Variants in RFX2 observed in about 807,000 individuals in gnomAD.
RFX2 encodes regulatory factor X2, also known as DNA-binding protein RFX2.
A neutral mutation model predicts 87.8 loss-of-function variants in RFX2; 20 were observed. That is an observed-to-expected ratio of 0.23 (90% confidence interval 0.16 to 0.33). The LOEUF is 0.33. Ranked by LOEUF, RFX2 falls within the 10% of genes least tolerant of loss-of-function variation. The probability of loss-of-function intolerance (pLI) is 1.00; values close to 1 mark genes in which losing one functional copy is unlikely to be tolerated. For synonymous variants in RFX2, 397 were observed against 431.3 expected (o/e 0.92, Z 0.98); for missense variants, 767 against 1,012.3 (o/e 0.76, Z 3.29).
rs1321604899 is a variant in RFX2, at chr19:5,995,650, G to A, written c.2014-7C>T. 1 of 1,552,266 alleles carries A rather than the reference G, an allele frequency of 6.4e-7. No homozygotes were observed. The highest frequency in any genetic ancestry group is 8.7e-7 in the Non-Finnish European group (1 of 1,147,360). On this transcript the variant is annotated splice_polypyrimidine_tract_variant and splice_region_variant and intron_variant, in intron 16 of 17. Transcript: ENST00000303657. ...GAGAGGCGAGATCGTTGAACTGAAA[G>A]AGAAACCTGGAGTCAGGGGCGCCTG...
chr19:6,082,728 A>C (rs2087803188), intron 1 of RFX2, among the ~76,000 whole-genome samples: 2 of 151,970 alleles, frequency 1.3e-5, no homozygotes, highest in Non-Finnish European at 2.9e-5. Flanking sequence ...CCACTGGAAA[A>C]CTTTCTATAA....
In RFX2 at chr19:6,026,575, C is replaced by T; in HGVS notation, c.523-338G>A. Reference sequence around the variant, plus strand: ...TTAATATGCAGCCACTGCATCCATTCCAGTGTCAGCCAAGCCAGCATCATA... The same window carrying T: ...TTAATATGCAGCCACTGCATCCATTTCAGTGTCAGCCAAGCCAGCATCATA... On this transcript the variant is annotated intron_variant, in intron 5 of 17. Coordinates refer to ENST00000303657, the MANE Select transcript of RFX2 (RefSeq NM_000635.4). The surrounding 1 kb of genome is among the most constrained non-coding windows in gnomAD (Gnocchi z 4.5). The T allele has an allele frequency of 6.0e-6, 2 of 331,138 alleles. No individual in the cohort carries two copies. The highest frequency in any genetic ancestry group is 2.8e-5 in the South Asian group (1 of 35,812). The allele number at this position is 331,138 out of a possible 1,614,324, so 20.5% of individuals were successfully genotyped here.
rs950078254 is a variant in RFX2, at chr19:6,010,499, A to G, written c.900-248T>C. ...CTCCAGAACTTGATCATCTTCCCAC[A>G]CTGAAGCTCTGTCTCCATAAAACGC... is the stretch of plus-strand genomic sequence containing the variant. On this transcript the variant is annotated intron_variant, in intron 8 of 17. Coordinates refer to ENST00000303657, the MANE Select transcript of RFX2 (RefSeq NM_000635.4). The surrounding 1 kb of genome is among the most constrained non-coding windows in gnomAD (Gnocchi z 5.0). Among the ~76,000 whole-genome samples, 3 of 152,006 alleles carry G rather than the reference A, an allele frequency of 2.0e-5. No homozygotes were observed. Among genetic ancestry groups the G allele is most frequent in the Non-Finnish European group, 4.4e-5 (3 of 67,998 alleles).
intron 1 of RFX2, among the ~76,000 whole-genome samples, chr19:6,092,961 A>AG (rs879585411): frequency 6.6e-6 from 1 of 152,014 alleles, no homozygotes; most frequent in East Asian, 1.9e-4. Context: ...GGTAAAAAAA[A>AG]GGCCCTGTGG....
chr19:6,004,221 G>C lies in RFX2; in HGVS notation c.1480C>G (p.Gln494Glu). The C allele has an allele frequency of 6.2e-7, 1 of 1,613,282 alleles. No homozygotes were observed. Among genetic ancestry groups the C allele is most frequent in the South Asian group, 1.1e-5 (1 of 91,056 alleles). Reference sequence around the variant, plus strand: ...CGCACCTTGGTCTGGATGACCTGTTGTGGGAAGTCACTCATGGCATTTGTC... The same window carrying C: ...CGCACCTTGGTCTGGATGACCTGTTCTGGGAAGTCACTCATGGCATTTGTC... ...WLTNAMSDFP[Q>E]QVIQTKVGVV... The change falls in exon 13 of 18, where the codon CAA becomes GAA. Residue 494 changes from glutamine (Q) to glutamate (E), a missense_variant. Transcript: ENST00000303657. This position sits in a 1 kb window ranked among gnomAD's most constrained non-coding sequence, Gnocchi z 4.8.
intron 7 of RFX2, among the ~76,000 whole-genome samples, chr19:6,015,048 T>C (rs2086706791): frequency 6.6e-6 from 1 of 152,156 alleles, no homozygotes; most frequent in African/African-American, 2.4e-5. Context: ...GTTGGCATAA[T>C]TGCCTGTGAT....
chr19:6,009,996 T>G, intron 9 of RFX2, 140 bp downstream of exon 9: 1 of 518,130 alleles, frequency 1.9e-6, no homozygotes. Flanking sequence ...ATCGAAAACT[T>G]TCTATTTGTC....
At chr19:6,032,881 T>C (rs1250731088) in intron 5 of RFX2, among the ~76,000 whole-genome samples, 1 of 152,236 alleles carries the variant, frequency 6.6e-6, no homozygotes, top group Non-Finnish European at 1.5e-5. Flanking sequence ...CTTGACCTCC[T>C]GGGCTCAGGC....
At chr19:6,060,975 C>G (rs932313462) in intron 1 of RFX2, among the ~76,000 whole-genome samples, 1 of 152,116 alleles carries the variant, frequency 6.6e-6, no homozygotes, top group African/African-American at 2.4e-5. Flanking sequence ...GGTGCCTCAA[C>G]AAGTCCAAGG....
At chr19:6,108,130 T>A (rs1454719990) in intron 1 of RFX2, among the ~76,000 whole-genome samples, 1 of 152,208 alleles carries the variant, frequency 6.6e-6, no homozygotes, top group Non-Finnish European at 1.5e-5. Context: ...CGTTGAACTG[T>A]CACAGAATCA....
At position 6,022,779 on chromosome 19, in the gene RFX2, A is replaced by G. The variant is rs1178470683; in HGVS notation, c.597+3384T>C. ...ATCAGCTGGCTGGAAGGTTCTTCCA[A>G]TGTGCAGACCTCCAGGCCCTGCAGA... On this transcript the variant is annotated intron_variant, in intron 6 of 17. Transcript: ENST00000303657. The surrounding 1 kb of genome is among the most constrained non-coding windows in gnomAD (Gnocchi z 6.2). 1.3e-5 allele frequency among the ~76,000 whole-genome samples: 2 copies of G among 152,208 alleles called. No homozygotes were observed. Among genetic ancestry groups the G allele is most frequent in the Non-Finnish European group, 2.9e-5 (2 of 68,030 alleles).
chr19:6,019,207 G>A (rs1259015221), intron 6 of RFX2, among the ~76,000 whole-genome samples: 1 of 152,198 alleles, frequency 6.6e-6, no homozygotes, highest in East Asian at 1.9e-4. Flanking sequence ...ATAAGGGGCA[G>A]TTAAAACAAA....
At chr19:6,071,273 T>C (rs2087602631) in intron 1 of RFX2, among the ~76,000 whole-genome samples, 1 of 152,196 alleles carries the variant, frequency 6.6e-6, no homozygotes, top group Non-Finnish European at 1.5e-5. Flanking sequence ...CCAGGAATCT[T>C]GCTGTGAGAG....
rs2086903271 is a variant in RFX2, at chr19:6,027,321, G to A, written c.523-1084C>T. On this transcript the variant is annotated intron_variant, in intron 5 of 17. Coordinates refer to ENST00000303657, the MANE Select transcript of RFX2 (RefSeq NM_000635.4). The surrounding 1 kb of genome is among the most constrained non-coding windows in gnomAD (Gnocchi z 5.0). ...GCTACCCTTGCTTCAAGCCAAGGAG[G>A]ACGTCAGGGTCACCTTTAAGAAGTG... The A allele has an allele frequency of 1.3e-5, 2 of 152,370 alleles. No homozygotes were observed. The highest frequency in any genetic ancestry group is 1.3e-4 in the Admixed American group (2 of 15,304). 9.4% of individuals were successfully genotyped at this position (152,370 alleles called of 1,614,324 possible).
rs1217552069 is a variant in RFX2 at position 6,013,352 on chromosome 19, A to AT, written c.780-248dup. ...AGGCGTGAGCCATAATGCCTAGCTTATTTTTGTATTTTTAGTGGAGACGGG... is the reference window on the plus strand; with the variant it reads ...AGGCGTGAGCCATAATGCCTAGCTTATTTTTTGTATTTTTAGTGGAGACGGG... On this transcript the variant is annotated intron_variant, in intron 7 of 17. Transcript: ENST00000303657. The surrounding 1 kb of genome is among the most constrained non-coding windows in gnomAD (Gnocchi z 4.1). Among the ~76,000 whole-genome samples the AT allele has an allele frequency of 3.3e-5, 5 of 150,736 alleles. No homozygotes were observed. Among genetic ancestry groups the AT allele is most frequent in the Non-Finnish European group, 1.5e-5 (1 of 67,700 alleles).
In RFX2 at chr19:5,994,917, G is replaced by A. The variant is rs761381900; in HGVS notation, c.2090C>T (p.Ala697Val). Residue 697 changes from alanine to valine, a missense_variant, in exon 18 of 18, where the codon GCG (alanine) becomes GTG (valine). Ala to Val is a moderately conservative substitution (Grantham distance 64, BLOSUM62 0). Around this residue, in one of 2 missense-constraint regions of RFX2, gnomAD observed 621 missense variants for 873.0 expected, o/e 0.71. Coordinates refer to ENST00000303657, the MANE Select transcript of RFX2 (RefSeq NM_000635.4). ...ACCCAGGCTGCGGGCGTCTGGGCCC[G>A]CCTCGCTGCCACGCTGCTCATCGCC... The part of the protein sequence containing the change: ...DMGDEQRGSE[A>V]GPDARSLGEP... 1.9e-5 allele frequency: 31 copies of A among 1,608,870 alleles called. No homozygotes were observed. Among genetic ancestry groups the A allele is most frequent in the Admixed American group, 1.0e-4 (6 of 60,004 alleles).
At chr19:6,003,043 A>G (rs1183425779) in intron 13 of RFX2, among the ~76,000 whole-genome samples, 173 bp from the exon 14 acceptor site, 5 of 152,110 alleles carry the variant, frequency 3.3e-5, no homozygotes, top group African/African-American at 1.2e-4. Context: ...GTGTGTGAGA[A>G]TCAGTGAAGA....
At chr19:6,057,256 G>C (rs1473158251) in intron 1 of RFX2, 1 of 152,238 alleles carries the variant, frequency 6.6e-6, no homozygotes, top group Non-Finnish European at 1.5e-5. Context: ...GAGAGACGCA[G>C]CTAGAAGCAG....
At position 6,070,028 on chromosome 19, in the gene RFX2, TGGATA is replaced by T. The variant is rs1217876617; in HGVS notation, c.-8-22529_-8-22525del. Among the ~76,000 whole-genome samples the T allele has an allele frequency of 6.2e-5, 2 of 32,038 alleles. 1 individual carries two copies. The allele number at this position is 32,038 out of a possible 152,430, so 21.0% of individuals were successfully genotyped here. On this transcript the variant is annotated intron_variant, in intron 1 of 17. Transcript: ENST00000303657. ...GATGTGGATGGGATGGGATGGGATG[TGGATA>T]GGATGGGATGGGATGGGATGGGATG...
Sources: gnomAD v4.1 joint callset for allele counts (sites outside exome capture counted in the v4.1 genomes callset) on GRCh38, gnomAD v4.1.1 for gene constraint, gnomAD v4.1.1 regional missense constraint, Gnocchi (gnomAD v3.1) non-coding constraint, MANE v1.5 for transcripts, NCBI Gene and HGNC (gene_info 2026-07-23, HGNC 2026-07-21) for gene names.